The following ASIC2 variants were observed in gnomAD, a reference collection of about 807,000 sequenced individuals.
The protein encoded by ASIC2 is acid-sensing ion channel 2.
ASIC2 carries 25 observed loss-of-function variants against 57.3 expected under a neutral mutation model. The observed-to-expected ratio is 0.44, with a 90% CI of 0.32 to 0.61. The LOEUF is 0.61. Ranked by LOEUF, ASIC2 falls within the 20% of genes least tolerant of loss-of-function variation. ASIC2 has a pLI of 0.06. For synonymous variants in ASIC2, 319 were observed against 307.5 expected (o/e 1.04, Z -0.39); for missense variants, 641 against 738.1 (o/e 0.87, Z 1.52).
chr17:33,309,387 T>A (rs2142202959), intron 1 of ASIC2, among the ~76,000 whole-genome samples: 1 of 152,288 alleles, frequency 6.6e-6, no homozygotes, highest in East Asian at 1.9e-4. Context: ...AAGCAGAACA[T>A]AAATGGCAGA....
rs538024613 is a variant in ASIC2 at position 33,152,060 on chromosome 17, A to G, written c.709-39993T>C. Among the ~76,000 whole-genome samples, 27 of 152,332 alleles carry G rather than the reference A, an allele frequency of 1.8e-4. No homozygotes were observed. In the South Asian group the frequency reaches 4.1e-3, roughly 23 times the overall value. ...GATTAAGGGTCTACCATTTAATGTC[A>G]TCTCCTCTGGAGACTTTCCCTCTAC... On this transcript the variant is annotated intron_variant, in intron 1 of 9. Transcript: ENST00000225823.
chr17:34,055,989 GAA>G (rs1050619322), intron 1 of ASIC2, among the ~76,000 whole-genome samples: 2 of 152,172 alleles, frequency 1.3e-5, no homozygotes, highest in Non-Finnish European at 2.9e-5. Flanking sequence ...CAGTAGTTGA[GAA>G]AAGAGACTAG....
intron 1 of ASIC2, among the ~76,000 whole-genome samples, chr17:33,205,332 G>C (rs1907021636): frequency 6.6e-6 from 1 of 152,218 alleles, no homozygotes; most frequent in Non-Finnish European, 1.5e-5. Flanking sequence ...GCCTGGATCA[G>C]TAATTCCAAA....
intron 1 of ASIC2, among the ~76,000 whole-genome samples, chr17:33,151,875 G>A (rs1904813379): frequency 6.6e-6 from 1 of 152,160 alleles, no homozygotes; most frequent in Non-Finnish European, 1.5e-5. Flanking sequence ...GCACAAAATG[G>A]GCTAAGACAC....
chr17:33,331,385 G>C (rs759573746), intron 1 of ASIC2, among the ~76,000 whole-genome samples: 3 of 152,142 alleles, frequency 2.0e-5, no homozygotes, highest in Non-Finnish European at 2.9e-5. Context: ...TACATTTAAG[G>C]CTGCACAGGC....
At chr17:33,766,522 C>G (rs1284744143) in intron 1 of ASIC2, among the ~76,000 whole-genome samples, 3 of 152,226 alleles carry the variant, frequency 2.0e-5, no homozygotes, top group Admixed American at 2.0e-4. Flanking sequence ...TCAGACTTCT[C>G]AACCTCCATG....
intron 1 of ASIC2, among the ~76,000 whole-genome samples, chr17:33,276,780 G>A (rs1003161907): frequency 6.6e-6 from 1 of 152,188 alleles, no homozygotes; most frequent in African/African-American, 2.4e-5. Flanking sequence ...GCAGCCTGAC[G>A]GTCTAGCCTG....
At chr17:33,536,138 T>C (rs1915221142) in intron 1 of ASIC2, among the ~76,000 whole-genome samples, 1 of 151,976 alleles carries the variant, frequency 6.6e-6, no homozygotes, top group Admixed American at 6.6e-5. Context: ...GGCTGGGGAG[T>C]ATACGGGAGT....
At chr17:33,907,103 G>A (rs1368405128) in intron 1 of ASIC2, among the ~76,000 whole-genome samples, 2 of 152,260 alleles carry the variant, frequency 1.3e-5, no homozygotes, top group East Asian at 1.9e-4. Context: ...AGTAGAAGCA[G>A]GGAGTCAGGA....
chr17:33,109,539 C>T (rs2092248336), intron 2 of ASIC2, among the ~76,000 whole-genome samples: 1 of 152,192 alleles, frequency 6.6e-6, no homozygotes, highest in South Asian at 2.1e-4. Flanking sequence ...GACTCAAACT[C>T]TCAGCAGCAA....
At chr17:33,725,125 A>G (rs1013390718) in intron 1 of ASIC2, among the ~76,000 whole-genome samples, 3 of 152,200 alleles carry the variant, frequency 2.0e-5, no homozygotes, top group South Asian at 4.1e-4. Flanking sequence ...CCTCTGCTTC[A>G]GCAGCTCTCA....
chr17:33,633,280 C>T (rs948760936), intron 1 of ASIC2, among the ~76,000 whole-genome samples: 2 of 152,246 alleles, frequency 1.3e-5, no homozygotes, highest in Admixed American at 1.3e-4. Context: ...AGCCATTCCC[C>T]ACCTGTGGGG....
intron 1 of ASIC2, among the ~76,000 whole-genome samples, chr17:33,914,332 C>T (rs776099727): frequency 1.4e-4 from 22 of 152,152 alleles, no homozygotes; most frequent in Admixed American, 1.2e-3. Context: ...TATCCAGCCT[C>T]TCAGGGCAGC....
intron 1 of ASIC2, among the ~76,000 whole-genome samples, chr17:33,834,760 C>T (rs75724232): frequency 3.3e-4 from 50 of 152,174 alleles, no homozygotes; most frequent in Non-Finnish European, 6.3e-4. Flanking sequence ...TATCTTTGCC[C>T]CAAGAGAGTG....
chr17:33,018,682 C>A (rs763183481), intron 7 of ASIC2, among the ~76,000 whole-genome samples: 14 of 152,192 alleles, frequency 9.2e-5, no homozygotes, highest in Non-Finnish European at 1.8e-4. Context: ...CTTTCATAAG[C>A]CCTGACCTTC....
intron 3 of ASIC2, among the ~76,000 whole-genome samples, chr17:33,045,778 C>T (rs2091951892): frequency 6.6e-6 from 1 of 152,154 alleles, no homozygotes; most frequent in Non-Finnish European, 1.5e-5. Context: ...GCATTTTCTC[C>T]CCACACGCCT....
chr17:33,561,966 C>T (rs753901979), intron 1 of ASIC2, among the ~76,000 whole-genome samples: 5 of 152,302 alleles, frequency 3.3e-5, no homozygotes, highest in Non-Finnish European at 7.4e-5. Context: ...TCCTAAGACT[C>T]CTCTTCGAAG....
At chr17:33,756,041 C>A (rs1910595058) in intron 1 of ASIC2, among the ~76,000 whole-genome samples, 1 of 152,254 alleles carries the variant, frequency 6.6e-6, no homozygotes, top group Non-Finnish European at 1.5e-5. Flanking sequence ...CAGCCGGCAG[C>A]TCTGCTTCCC....
intron 1 of ASIC2, among the ~76,000 whole-genome samples, chr17:33,449,632 TA>T (rs376376370): frequency 6.6e-6 from 1 of 152,270 alleles, no homozygotes; most frequent in South Asian, 2.1e-4. Context: ...CCCTTTAGTA[TA>T]AAAAAATCAG....
Sources: allele counts gnomAD v4.1 joint callset (sites outside exome capture counted in the v4.1 genomes callset), GRCh38; gene constraint gnomAD v4.1.1; transcripts MANE v1.5; gene names NCBI Gene and HGNC (gene_info 2026-07-23, HGNC 2026-07-21).